The following LGSN variants were observed in gnomAD, a reference collection of about 807,000 sequenced individuals.
LGSN encodes the protein lengsin.
LGSN carries 21 observed loss-of-function variants against 19.5 expected under a neutral mutation model. The ratio of observed to expected loss-of-function variants is 1.07; its 90% CI spans 0.76 to 1.55. The LOEUF (loss-of-function observed/expected upper bound fraction) is 1.55. Ranked by LOEUF, LGSN falls within the 40% of genes most tolerant of loss-of-function variation. The probability of loss-of-function intolerance (pLI) is 0.00; values close to 1 mark genes in which losing one functional copy is unlikely to be tolerated. For missense variants in LGSN, 673 were observed against 608.5 expected, an observed-to-expected ratio of 1.11 and a Z score of -1.12; for synonymous variants, 257 against 215.6, an observed-to-expected ratio of 1.19 and a Z score of -1.68.
chr6:63,406,566 G>A, the LGSN span, among the ~76,000 whole-genome samples: 4 of 149,692 alleles, frequency 2.7e-5, no homozygotes, highest in Admixed American at 1.3e-4. Flanking sequence ...ATGCCCACAA[G>A]AGAAAGCAGG....
chr6:63,356,130 C>A, the LGSN span, among the ~76,000 whole-genome samples: 1 of 152,186 alleles, frequency 6.6e-6, no homozygotes, highest in African/African-American at 2.4e-5. Context: ...ATCTTGACTA[C>A]ATCTGCAAAC....
At chr6:63,342,392 A>G in the LGSN span, among the ~76,000 whole-genome samples, 2 of 152,230 alleles carry the variant, frequency 1.3e-5, no homozygotes, top group Non-Finnish European at 2.9e-5. Context: ...GTATTGGCAT[A>G]TAATAGATTA....
chr6:63,515,345 C>G, the LGSN span, among the ~76,000 whole-genome samples: 2 of 152,182 alleles, frequency 1.3e-5, no homozygotes, highest in African/African-American at 4.8e-5. Flanking sequence ...AATTCTCCTG[C>G]CTCAGCTTCC....
At chr6:63,503,852 G>A in the LGSN span, among the ~76,000 whole-genome samples, 1 of 152,216 alleles carries the variant, frequency 6.6e-6, no homozygotes, top group Admixed American at 6.5e-5. Flanking sequence ...AGGGGTCAAG[G>A]CTGCAGTGAG....
rs777736688 is a variant in LGSN at position 63,280,444 on chromosome 6, A to G, written c.1107T>C (p.Tyr369=). ...MAPSVSCRKR[Y]SKDRKDLKKS... ...TCTTCAGGTCTTTCCTGTCCTTGGAATAACGCTTTCGGCAGCTAACAGAAG... is the reference window on the plus strand; with the variant it reads ...TCTTCAGGTCTTTCCTGTCCTTGGAGTAACGCTTTCGGCAGCTAACAGAAG... The change falls in exon 4 of 4, where the codon TAT becomes TAC. Residue 369 remains tyrosine (Y), a synonymous_variant. Transcript: ENST00000370657. 1 of 1,614,200 alleles carries G rather than the reference A, an allele frequency of 6.2e-7. No individual in the cohort carries two copies. Among genetic ancestry groups the G allele is most frequent in the Non-Finnish European group, 8.5e-7 (1 of 1,180,046 alleles).
chr6:63,420,096 TG>T, the LGSN span, among the ~76,000 whole-genome samples: 1 of 148,934 alleles, frequency 6.7e-6, no homozygotes, highest in Non-Finnish European at 1.5e-5. Context: ...CCAGCTACTC[TG>T]GAGGCTGAGG....
At chr6:63,474,443 C>T in the LGSN span, among the ~76,000 whole-genome samples, 1 of 151,590 alleles carries the variant, frequency 6.6e-6, no homozygotes, top group Non-Finnish European at 1.5e-5. Context: ...CCCGTCTCTA[C>T]TAAAAATACA....
chr6:63,375,314 T>C, the LGSN span, among the ~76,000 whole-genome samples: 2 of 151,918 alleles, frequency 1.3e-5, no homozygotes, highest in Non-Finnish European at 1.5e-5. Flanking sequence ...TGTAATTGTA[T>C]TAAATTAATT....
chr6:63,570,880 T>C, the LGSN span: 4 of 152,224 alleles, frequency 2.6e-5, no homozygotes, highest in Admixed American at 2.6e-4. Flanking sequence ...TAAAAGTTTT[T>C]AGTTCTTATA....
chr6:63,312,037 TC>T (rs1768649175), intron 1 of LGSN, among the ~76,000 whole-genome samples: 2 of 152,166 alleles, frequency 1.3e-5, no homozygotes, highest in African/African-American at 4.8e-5. Context: ...GTCCTCTAGG[TC>T]CATTCATGTT....
intron 2 of LGSN, among the ~76,000 whole-genome samples, chr6:63,292,617 T>C (rs1582029458): frequency 6.6e-6 from 1 of 152,200 alleles, no homozygotes. Context: ...GTAAAGACTC[T>C]GGACACCAAG....
At chr6:63,421,416 T>G in the LGSN span, among the ~76,000 whole-genome samples, 1 of 146,622 alleles carries the variant, frequency 6.8e-6, no homozygotes, top group Admixed American at 6.8e-5. Context: ...CAAAGCAAGA[T>G]TCTGTCTGAA....
chr6:63,382,960 C>T, the LGSN span, among the ~76,000 whole-genome samples: 5 of 152,172 alleles, frequency 3.3e-5, no homozygotes, highest in East Asian at 9.6e-4. Context: ...GATTATCTAG[C>T]TCAATGATCT....
chr6:63,470,196 A>G, the LGSN span, among the ~76,000 whole-genome samples: 2 of 152,152 alleles, frequency 1.3e-5, no homozygotes, highest in South Asian at 2.1e-4. Flanking sequence ...GGTCGGGTAC[A>G]GTAGCTCACA....
the LGSN span, among the ~76,000 whole-genome samples, chr6:63,348,897 A>G: frequency 1.3e-5 from 2 of 152,060 alleles, no homozygotes; most frequent in Non-Finnish European, 2.9e-5. Flanking sequence ...GGCCAGAAGT[A>G]TAGATTTTTA....
the LGSN span, among the ~76,000 whole-genome samples, chr6:63,456,742 C>A: frequency 6.6e-6 from 1 of 152,042 alleles, no homozygotes; most frequent in South Asian, 2.1e-4. Flanking sequence ...CTGGCACTGG[C>A]CAAAGAACAA....
intron 2 of LGSN, among the ~76,000 whole-genome samples, chr6:63,294,172 T>A (rs1767883488): frequency 6.6e-6 from 1 of 151,800 alleles, no homozygotes; most frequent in East Asian, 1.9e-4. Flanking sequence ...CCATCTCTAC[T>A]AGAAATATAA....
the LGSN span, among the ~76,000 whole-genome samples, chr6:63,428,704 TTCTAGATAGACAA>T: frequency 6.6e-6 from 1 of 152,200 alleles, no homozygotes; most frequent in East Asian, 1.9e-4. Context: ...TCACAACAAC[TTCTAGATAGACAA>T]TCTTGTGACC....
the LGSN span, among the ~76,000 whole-genome samples, chr6:63,382,899 G>A: frequency 6.6e-6 from 1 of 152,058 alleles, no homozygotes; most frequent in Non-Finnish European, 1.5e-5. Context: ...TCAAGAATGG[G>A]TAAAAGTAAA....
Sources: gnomAD v4.1 joint callset for allele counts (sites outside exome capture counted in the v4.1 genomes callset) on GRCh38, gnomAD v4.1.1 for gene constraint, MANE v1.5 for transcripts, NCBI Gene and HGNC (gene_info 2026-07-23, HGNC 2026-07-21) for gene names.